TRIP11: variants seen among roughly 807,000 people sequenced by gnomAD.
TRIP11 encodes the protein thyroid hormone receptor interactor 11.
TRIP11 carries 148 observed loss-of-function variants against 223.1 expected under a neutral mutation model. That is an observed-to-expected ratio of 0.66 (90% confidence interval 0.58 to 0.76). The LOEUF is 0.76. Ranked by LOEUF, TRIP11 falls within the 30% of genes least tolerant of loss-of-function variation. The pLI is 0.00. For synonymous variants in TRIP11, 762 were observed against 772.6 expected (o/e 0.99, Z 0.23); for missense variants, 2,043 against 2,222.0 (o/e 0.92, Z 1.62).
rs762961289 is a variant in TRIP11 at position 92,006,389 on chromosome 14, G to A, written c.1587C>T (p.Ile529=). ...CATTTAGATCTTGTTTCAGTTTACT[G>A]ATGATGCTATCTCCTTCATTTTGTT... ...SKQQNEGDSI[I]SKLKQDLNDE... Residue 529 remains isoleucine (I), a synonymous_variant, in exon 11 of 21, where the codon ATC becomes ATT. Coordinates refer to ENST00000267622, the MANE Select transcript of TRIP11 (RefSeq NM_004239.4). The A allele has an allele frequency of 9.9e-6, 16 of 1,612,894 alleles. No individual in the cohort carries two copies. The Admixed American group carries it at 1.2e-4, about 12-fold the overall frequency.
At position 91,966,518 on chromosome 14, in the gene TRIP11, C is replaced by T. The variant is rs2140074036; in HGVS notation, c.*3155G>A. 1 of 198,264 alleles carries T rather than the reference C, an allele frequency of 5.0e-6. No homozygotes were observed. Among genetic ancestry groups the T allele is most frequent in the East Asian group, 7.9e-5 (1 of 12,670 alleles). 12.3% of individuals were successfully genotyped at this position (198,264 alleles called of 1,614,324 possible). A position where few individuals can be genotyped will look rare whatever the true frequency, so the allele number is the denominator to read the frequency against. The stretch of plus-strand genomic sequence containing the variant: ...CACTCTACTGTCCCTGAAGACATAG[C>T]TTTTCCCCCCATTGATTGGATAAGT... On this transcript the variant is annotated 3_prime_UTR_variant, in exon 21 of 21. Transcript: ENST00000267622.
chr14:92,005,067 T>C lies in TRIP11; in HGVS notation c.2909A>G (p.Lys970Arg), dbSNP rs2140118009. 1 of 1,613,998 alleles carries C rather than the reference T, an allele frequency of 6.2e-7. No individual in the cohort carries two copies. Among genetic ancestry groups the C allele is most frequent in the Non-Finnish European group, 8.5e-7 (1 of 1,180,038 alleles). ...CTGGGTTTTGATTTGTTCAATTGTTTTTTGCAAACTCTTAATTTCCTCATC... is the reference window on the plus strand; with the variant it reads ...CTGGGTTTTGATTTGTTCAATTGTTCTTTGCAAACTCTTAATTTCCTCATC... Reference protein sequence around the residue: ...EKDEEIKSLQKTIEQIKTQLH... With the variant: ...EKDEEIKSLQRTIEQIKTQLH... Residue 970 changes from lysine (K) to arginine (R), a missense_variant, in exon 11 of 21, where the codon AAA becomes AGA. Lys to Arg is a conservative substitution (Grantham distance 26, BLOSUM62 2). Coordinates refer to ENST00000267622, the MANE Select transcript of TRIP11 (RefSeq NM_004239.4).
intron 3 of TRIP11, among the ~76,000 whole-genome samples, chr14:92,024,356 G>A (rs2057153787): frequency 6.9e-6 from 1 of 144,932 alleles, no homozygotes; most frequent in Non-Finnish European, 1.5e-5. Context: ...GGGCGACAGA[G>A]CAAGACTCTG....
intron 10 of TRIP11, among the ~76,000 whole-genome samples, chr14:92,007,410 T>C (rs1396881153): frequency 1.3e-5 from 2 of 152,198 alleles, no homozygotes; most frequent in Non-Finnish European, 2.9e-5. Flanking sequence ...GTTTTGTAAA[T>C]AAAATTTTGT....
At chr14:92,026,831 G>A (rs2140142364) in intron 2 of TRIP11, 1 of 1,419,368 alleles carries the variant, frequency 7.0e-7, no homozygotes, top group South Asian at 1.2e-5. Flanking sequence ...GGCAGCTGAA[G>A]ATGATGAGGA....
chr14:92,007,080 C>T (rs994909884), intron 10 of TRIP11, among the ~76,000 whole-genome samples: 6 of 150,290 alleles, frequency 4.0e-5, no homozygotes, highest in Admixed American at 6.6e-5. Context: ...GGCTGGAGTG[C>T]AGTGGCATGA....
intron 20 of TRIP11, 84 bp downstream of exon 20, chr14:91,972,633 A>T (rs1266193198): frequency 7.1e-7 from 1 of 1,401,378 alleles, no homozygotes; most frequent in Non-Finnish European, 9.7e-7. Context: ...AATACTAAAA[A>T]TTTAGTTAAT....
Position 92,003,887 on chromosome 14 carries a change from A to G in TRIP11, c.4089T>C (p.Ile1363=). 1 of 1,613,968 alleles carries G rather than the reference A, an allele frequency of 6.2e-7. No individual in the cohort carries two copies. Among genetic ancestry groups the G allele is most frequent in the Non-Finnish European group, 8.5e-7 (1 of 1,180,024 alleles). The change falls in exon 11 of 21, where the codon ATT becomes ATC. Residue 1363 remains isoleucine (I), a synonymous_variant. Transcript: ENST00000267622. ...RKSLQEKDAT[I]RTLQENNHRL... is the part of the protein sequence containing the mutation. ...TGTGGTTATTTTCCTGGAGAGTTCT[A>G]ATTGTTGCATCTTTTTCCTGTAGTG...
At position 91,999,405 on chromosome 14, in the gene TRIP11, C is replaced by T. The variant is rs35007347; in HGVS notation, c.4727G>A (p.Arg1576His). 0.022 allele frequency: 35,847 copies of T among 1,613,676 alleles called. 513 individuals are homozygous for T. The highest frequency in any genetic ancestry group is 0.027 in the Non-Finnish European group (32,315 of 1,179,802). Reference protein sequence around the residue: ...EVQRLRDKEFRSNQELERLRN... With the variant: ...EVQRLRDKEFHSNQELERLRN... ...CAATCTCTCTAGCTCTTGGTTTGAACGAAATTCTTTGTCACGTAAACGTTG... is the reference window on the plus strand; with the variant it reads ...CAATCTCTCTAGCTCTTGGTTTGAATGAAATTCTTTGTCACGTAAACGTTG... The change falls in exon 13 of 21, where the codon CGT becomes CAT. Residue 1576 changes from arginine to histidine, a missense_variant. Coordinates refer to ENST00000267622, the MANE Select transcript of TRIP11 (RefSeq NM_004239.4).
chr14:91,972,966 T>C (rs1052581130), intron 19 of TRIP11, 105 bp from the exon 20 acceptor site: 14 of 981,058 alleles, frequency 1.4e-5, no homozygotes, highest in African/African-American at 1.2e-4. Flanking sequence ...AAATTAATCA[T>C]GCCACTTGAA....
Position 92,006,128 on chromosome 14 carries a change from A to T in TRIP11, c.1848T>A (p.Asn616Lys), listed in dbSNP as rs768207526. The T allele has an allele frequency of 6.2e-7, 1 of 1,609,714 alleles. No homozygotes were observed. The highest frequency in any genetic ancestry group is 1.1e-5 in the South Asian group (1 of 89,596). The change falls in exon 11 of 21, where the codon AAT becomes AAA. Residue 616 changes from asparagine to lysine, a missense_variant. By Grantham distance (94) the Asn-to-Lys change is moderately conservative. Coordinates refer to ENST00000267622, the MANE Select transcript of TRIP11 (RefSeq NM_004239.4). ...TCCTTATTCTAGAAAGCTCCTCCTC[A>T]TTTTGTCTAATATGCTCCTTAAGTT... ...NLELKEHIRQ[N>K]EEELSRIRNE...
In TRIP11 at chr14:91,967,510, T is replaced by C. The variant is rs2056353122; in HGVS notation, c.*2163A>G. The C allele has an allele frequency of 1.0e-5, 2 of 196,332 alleles. No individual in the cohort carries two copies. The allele number at this position is 196,332 out of a possible 1,614,324, so 12.2% of individuals were successfully genotyped here. On this transcript the variant is annotated 3_prime_UTR_variant, in exon 21 of 21. Coordinates refer to ENST00000267622, the MANE Select transcript of TRIP11 (RefSeq NM_004239.4). ...CCATTTAATATCATGCTCTGTGATGTTTAGCTATGCAATCCACCCACAACA... is the reference window on the plus strand; with the variant it reads ...CCATTTAATATCATGCTCTGTGATGCTTAGCTATGCAATCCACCCACAACA...
At chr14:91,979,775 C>T (rs1056197173) in intron 16 of TRIP11, among the ~76,000 whole-genome samples, 2 of 152,154 alleles carry the variant, frequency 1.3e-5, no homozygotes, top group East Asian at 3.8e-4. Flanking sequence ...ACAGATGCCT[C>T]TTTTTCTTCA....
chr14:91,981,387 T>A (rs2056542550), intron 16 of TRIP11, among the ~76,000 whole-genome samples: 1 of 145,258 alleles, frequency 6.9e-6, no homozygotes, highest in Non-Finnish European at 1.5e-5. Flanking sequence ...ATCTGTTTTG[T>A]CTTTTTTGTT....
intron 2 of TRIP11, among the ~76,000 whole-genome samples, chr14:92,031,254 G>T (rs938594156): frequency 6.6e-6 from 1 of 152,006 alleles, no homozygotes; most frequent in African/African-American, 2.4e-5. Context: ...AAGTAGCTGG[G>T]ATTACAGGCG....
intron 1 of TRIP11, 105 bp from the exon 2 acceptor site, chr14:92,033,358 G>T (rs2057289803): frequency 5.7e-6 from 5 of 880,072 alleles, no homozygotes; most frequent in Non-Finnish European, 9.2e-6. Context: ...CAGAATAGTA[G>T]GCTGATATGA....
chr14:92,026,561 C>A, intron 2 of TRIP11: 1 of 1,266,032 alleles, frequency 7.9e-7, no homozygotes, highest in South Asian at 1.2e-5. Flanking sequence ...CTGGCGTGCC[C>A]TACCATGTCA....
At chr14:92,027,000 C>A in intron 2 of TRIP11, 2 of 719,960 alleles carry the variant, frequency 2.8e-6, no homozygotes, top group Non-Finnish European at 4.7e-6. Flanking sequence ...GGCCCGCCCG[C>A]CCACCGTGGG....
At chr14:91,981,123 C>A (rs1163350769) in intron 16 of TRIP11, among the ~76,000 whole-genome samples, 1 of 144,706 alleles carries the variant, frequency 6.9e-6, no homozygotes, top group Non-Finnish European at 1.5e-5. Flanking sequence ...TCAAGCAATT[C>A]TCCTGCCTCG....
Sources: gnomAD v4.1 joint callset for allele counts (sites outside exome capture counted in the v4.1 genomes callset) on GRCh38, gnomAD v4.1.1 for gene constraint, MANE v1.5 for transcripts, NCBI Gene and HGNC (gene_info 2026-07-23, HGNC 2026-07-21) for gene names.